ABCF1: variants seen among roughly 807,000 people sequenced by gnomAD.
ABCF1 encodes ATP binding cassette subfamily F member 1.
Under a neutral mutation model 126.3 loss-of-function variants are expected in ABCF1, and 73 were observed. The ratio of observed to expected loss-of-function variants is 0.58; its 90% CI spans 0.48 to 0.70. ABCF1 has a LOEUF of 0.70. Ranked by LOEUF, ABCF1 falls within the 30% of genes least tolerant of loss-of-function variation. ABCF1 has a pLI of 0.00. For missense variants in ABCF1, 786 were observed against 1,057.5 expected, an observed-to-expected ratio of 0.74 and a Z score of 3.56; for synonymous variants, 345 against 396.4, an observed-to-expected ratio of 0.87 and a Z score of 1.54.
rs533472292 is a variant in ABCF1 at position 30,578,322 on chromosome 6, C to A, written c.344-26C>A. The A allele has an allele frequency of 1.9e-6, 3 of 1,614,042 alleles. No individual in the cohort carries two copies. In the South Asian group the frequency reaches 3.3e-5, roughly 18 times the overall value. ...GCCAGACATTGTAATTCTTTCCTAT[C>A]TCATGTTCTCCCCCTGTCATTTCAG... On this transcript the variant is annotated intron_variant, in intron 4 of 24. Coordinates refer to ENST00000326195, the MANE Select transcript of ABCF1 (RefSeq NM_001025091.2).
At chr6:30,571,645 G>A in intron 1 of ABCF1, 85 bp downstream of exon 1, 3 of 1,442,986 alleles carry the variant, frequency 2.1e-6, no homozygotes, top group East Asian at 2.4e-5. Context: ...CATGGGGCAC[G>A]AGACTGACCG....
chr6:30,581,630 C>A (rs1029332052), intron 8 of ABCF1, among the ~76,000 whole-genome samples: 1 of 151,900 alleles, frequency 6.6e-6, no homozygotes, highest in Non-Finnish European at 1.5e-5. Context: ...GTCTTGATCT[C>A]CTGACCTTGT....
Position 30,586,758 on chromosome 6 carries a change from C to T in ABCF1, c.2031+47C>T. On this transcript the variant is annotated intron_variant, in intron 20 of 24. Coordinates refer to ENST00000326195, the MANE Select transcript of ABCF1 (RefSeq NM_001025091.2). The surrounding 1 kb of genome is among the most constrained non-coding windows in gnomAD (Gnocchi z 4.9). Reference sequence around the variant, plus strand: ...GGAGAGCATGAGAAATGTGAAGACACAGCTGCTTTTGCCAGAAGCTGGAAT... The same window carrying T: ...GGAGAGCATGAGAAATGTGAAGACATAGCTGCTTTTGCCAGAAGCTGGAAT... The T allele has an allele frequency of 6.2e-7, 1 of 1,600,448 alleles. No homozygotes were observed. Among genetic ancestry groups the T allele is most frequent in the Non-Finnish European group, 8.6e-7 (1 of 1,169,050 alleles).
In ABCF1 at chr6:30,584,256, G is replaced by C; in HGVS notation, c.1167G>C (p.Lys389Asn). Reference sequence around the variant, plus strand: ...TTCGAGCTGACACCAAGCGATTGAAGCTGCTGGAAGAGGAGCGGCGGCTTC... The same window carrying C: ...TTCGAGCTGACACCAAGCGATTGAACCTGCTGGAAGAGGAGCGGCGGCTTC... Reference protein sequence around the residue: ...AVLRADTKRLKLLEEERRLQG... With the variant: ...AVLRADTKRLNLLEEERRLQG... The change falls in exon 13 of 25, where the codon AAG becomes AAC. Residue 389 changes from lysine to asparagine, a missense_variant. Physicochemically the swap from Lys to Asn is moderately conservative, Grantham distance 94 (BLOSUM62 0). This residue lies in a region of ABCF1 where 163 missense variants were observed against 255.3 expected (regional missense o/e 0.64). Coordinates refer to ENST00000326195, the MANE Select transcript of ABCF1 (RefSeq NM_001025091.2). The surrounding 1 kb of genome is among the most constrained non-coding windows in gnomAD (Gnocchi z 4.6). 1 of 1,613,156 alleles carries C rather than the reference G, an allele frequency of 6.2e-7. No homozygotes were observed. Among genetic ancestry groups the C allele is most frequent in the Non-Finnish European group, 8.5e-7 (1 of 1,180,034 alleles).
chr6:30,575,967 A>G (rs946949909), intron 1 of ABCF1, among the ~76,000 whole-genome samples: 3 of 151,758 alleles, frequency 2.0e-5, no homozygotes, highest in African/African-American at 7.3e-5. Context: ...CTAGCTACTC[A>G]GGAGGCTAAA....
rs764400757 is a variant in ABCF1, at chr6:30,578,133, G to A, written c.274G>A (p.Gly92Arg). The change falls in exon 4 of 25, where the codon GGA becomes AGA. Residue 92 changes from glycine (G) to arginine (R), a missense_variant. Physicochemically the swap from Gly to Arg is moderately radical, Grantham distance 125. Coordinates refer to ENST00000326195, the MANE Select transcript of ABCF1 (RefSeq NM_001025091.2). Reference protein sequence around the residue: ...GRRKKDVDDDGEEKELMERLK... With the variant: ...GRRKKDVDDDREEKELMERLK... ...GCGGAAGAAGGATGTGGATGATGAT[G>A]GAGAAGAGAAAGAGCTCATGGAGCG... is the stretch of plus-strand genomic sequence containing the variant. 7.2e-5 allele frequency: 117 copies of A among 1,614,004 alleles called. No individual in the cohort carries two copies. Among genetic ancestry groups the A allele is most frequent in the Non-Finnish European group, 9.0e-5 (106 of 1,180,026 alleles).
chr6:30,577,376 A>G (rs374529097), intron 1 of ABCF1, 33 bp from the exon 2 acceptor site: 32 of 1,611,946 alleles, frequency 2.0e-5, no homozygotes, highest in Non-Finnish European at 2.6e-5. Flanking sequence ...GAATTTGCAG[A>G]TAAGCATTCA....
intron 1 of ABCF1, among the ~76,000 whole-genome samples, chr6:30,575,689 T>C (rs889304046): frequency 4.6e-5 from 7 of 151,952 alleles, no homozygotes; most frequent in Non-Finnish European, 8.8e-5. Context: ...TGCTATAATA[T>C]TCAAGCAGAA....
chr6:30,578,313 C>T, intron 4 of ABCF1, 35 bp from the exon 5 acceptor site: 1 of 1,613,988 alleles, frequency 6.2e-7, no homozygotes, highest in Non-Finnish European at 8.5e-7. Flanking sequence ...CATTGTAATT[C>T]TTTCCTATCT....
intron 1 of ABCF1, among the ~76,000 whole-genome samples, chr6:30,573,207 C>T (rs1000821115): frequency 1.3e-5 from 2 of 152,034 alleles, no homozygotes; most frequent in African/African-American, 4.8e-5. Flanking sequence ...ACTAAGGAGG[C>T]GGCATTGATC....
chr6:30,578,500 G>A lies in ABCF1; in HGVS notation c.412G>A (p.Asp138Asn). ...GGNVFAALIQ[D>N]QSEEEEEEEK... ...TAATGTTTTTGCAGCCCTGATTCAGGATCAGAGTGAGGAAGAGGAGGAGGA... is the reference window on the plus strand; with the variant it reads ...TAATGTTTTTGCAGCCCTGATTCAGAATCAGAGTGAGGAAGAGGAGGAGGA... Residue 138 changes from aspartate (D) to asparagine (N), a missense_variant, in exon 6 of 25, where the codon GAT becomes AAT. Asp to Asn is a conservative substitution (Grantham distance 23, BLOSUM62 1). This residue lies in a region of ABCF1 where 322 missense variants were observed against 322.9 expected (regional missense o/e 1.00). Transcript: ENST00000326195. 6.2e-7 allele frequency: 1 copy of A among 1,613,950 alleles called. No individual in the cohort carries two copies. Among genetic ancestry groups the A allele is most frequent in the Non-Finnish European group, 8.5e-7 (1 of 1,180,006 alleles).
In ABCF1 at chr6:30,589,504, G is replaced by A. The variant is rs577013351; in HGVS notation, c.2032-184G>A. 5.8e-5 allele frequency: 38 copies of A among 658,932 alleles called. 1 individual carries two copies. In the South Asian group the frequency reaches 7.4e-4, roughly 13 times the overall value. 40.8% of individuals were successfully genotyped at this position (658,932 alleles called of 1,614,324 possible). On this transcript the variant is annotated intron_variant, in intron 20 of 24. Coordinates refer to ENST00000326195, the MANE Select transcript of ABCF1 (RefSeq NM_001025091.2). ...TGTATTCCCAGCTACTGGGGAGGCT[G>A]AGGCAGGAGAATGGCGTGAACCCGG... is the stretch of plus-strand genomic sequence containing the variant.
At chr6:30,580,604 GTTA>G in intron 8 of ABCF1, 85 bp downstream of exon 8, 1 of 786,812 alleles carries the variant, frequency 1.3e-6, no homozygotes, top group Non-Finnish European at 1.9e-6. Flanking sequence ...TGGGGATATA[GTTA>G]TTATCCCAGC....
chr6:30,587,591 C>T (rs1417411007), intron 20 of ABCF1, among the ~76,000 whole-genome samples: 4 of 151,064 alleles, frequency 2.6e-5, no homozygotes, highest in Admixed American at 6.6e-5. Flanking sequence ...GCTGAGATTG[C>T]GCTATTGCAC....
At chr6:30,579,845 T>C in intron 6 of ABCF1, 86 bp from the exon 7 acceptor site, 1 of 1,348,018 alleles carries the variant, frequency 7.4e-7, no homozygotes. Context: ...GTTAACACAG[T>C]AGACTCTCTA....
chr6:30,584,462 CA>C lies in ABCF1; in HGVS notation c.1290del (p.Ala431HisfsTer43). 1.2e-6 allele frequency: 2 copies of C among 1,613,042 alleles called. No individual in the cohort carries two copies. The highest frequency in any genetic ancestry group is 1.7e-6 in the Non-Finnish European group (2 of 1,180,026). ...CCACTGGGGCGGCAGCTGCAGAGGCCAAAGCACGGCGGATCCTGGCTGGCCT... is the reference window on the plus strand; with the variant it reads ...CCACTGGGGCGGCAGCTGCAGAGGCCAAGCACGGCGGATCCTGGCTGGCCT... The part of the protein sequence containing the change: ...RATGAAAAEA[K>X]ARRILAGLGF... On this transcript the variant is annotated frameshift_variant, in exon 14 of 25. Coordinates refer to ENST00000326195, the MANE Select transcript of ABCF1 (RefSeq NM_001025091.2). LOFTEE classifies it high-confidence loss of function. This position sits in a 1 kb window ranked among gnomAD's most constrained non-coding sequence, Gnocchi z 4.6.
rs928735730 is a variant in ABCF1 at position 30,577,284 on chromosome 6, A to C, written c.74-125A>C. 7 of 820,512 alleles carry C rather than the reference A, an allele frequency of 8.5e-6. No homozygotes were observed. The Admixed American group carries it at 1.2e-4, about 14-fold the overall frequency. The allele number at this position is 820,512 out of a possible 1,614,324, so 50.8% of individuals were successfully genotyped here. ...GAGTTGTGAGACAGTACAAATATTT[A>C]AGGAGTGATAGTTAAGCTAGAAAAA... On this transcript the variant is annotated intron_variant, in intron 1 of 24. Coordinates refer to ENST00000326195, the MANE Select transcript of ABCF1 (RefSeq NM_001025091.2).
At chr6:30,582,769 C>G (rs751177078) in intron 9 of ABCF1, among the ~76,000 whole-genome samples, 6 of 152,196 alleles carry the variant, frequency 3.9e-5, no homozygotes, top group Admixed American at 1.3e-4. Flanking sequence ...TCTCTGTTCA[C>G]TGCAGCCTCA....
At chr6:30,577,999 A>G in intron 3 of ABCF1, 77 bp from the exon 4 acceptor site, 1 of 1,613,646 alleles carries the variant, frequency 6.2e-7, no homozygotes, top group Non-Finnish European at 8.5e-7. Context: ...CATTCAGCTG[A>G]TGGGGAACCC....
Sources: gnomAD v4.1 joint callset for allele counts (sites outside exome capture counted in the v4.1 genomes callset) on GRCh38, gnomAD v4.1.1 for gene constraint, gnomAD v4.1.1 regional missense constraint, Gnocchi (gnomAD v3.1) non-coding constraint, MANE v1.5 for transcripts, NCBI Gene and HGNC (gene_info 2026-07-23, HGNC 2026-07-21) for gene names.